The following WLS variants were observed in gnomAD, a reference collection of about 807,000 sequenced individuals.
WLS encodes Wnt ligand secretion mediator, also known as protein wntless homolog.
A neutral mutation model predicts 62.8 loss-of-function variants in WLS; 23 were observed. That is an observed-to-expected ratio of 0.37 (90% CI 0.26 to 0.52). The LOEUF (loss-of-function observed/expected upper bound fraction) is 0.52, where lower values mean the gene tolerates loss of function less well. Ranked by LOEUF, WLS falls within the 20% of genes least tolerant of loss-of-function variation. The pLI, the probability that WLS is intolerant of heterozygous loss-of-function variation, is 0.92. For synonymous variants in WLS, 246 were observed against 244.1 expected (o/e 1.01, Z -0.07); for missense variants, 615 against 697.3 (o/e 0.88, Z 1.33).
chr1:68,227,013 A>T (rs908531411), intron 1 of WLS, among the ~76,000 whole-genome samples: 2 of 152,214 alleles, frequency 1.3e-5, no homozygotes, highest in African/African-American at 4.8e-5. Flanking sequence ...ACATAACACT[A>T]TTAGCTCAAG....
chr1:68,161,582 C>T lies in WLS; in HGVS notation c.380-2335G>A, dbSNP rs576853062. 8.5e-4 allele frequency among the ~76,000 whole-genome samples: 129 copies of T among 152,352 alleles called. 4 individuals are homozygous for T. The highest frequency in any genetic ancestry group is 2.9e-4 in the Non-Finnish European group (20 of 68,040). On this transcript the variant is annotated intron_variant, in intron 2 of 11. Coordinates refer to ENST00000262348, the MANE Select transcript of WLS (RefSeq NM_024911.7). Reference sequence around the variant, plus strand: ...CCTAGTCTTTCAGCGCTTCCGTAAGCAGACGACATCTTCAGTTTTCTAGCT... The same window carrying T: ...CCTAGTCTTTCAGCGCTTCCGTAAGTAGACGACATCTTCAGTTTTCTAGCT...
intron 1 of WLS, among the ~76,000 whole-genome samples, chr1:68,226,486 T>C (rs567528408): frequency 2.0e-5 from 3 of 152,228 alleles, no homozygotes; most frequent in Non-Finnish European, 2.9e-5. Flanking sequence ...TATTAATATA[T>C]CTATTTCAAG....
At chr1:68,172,432 T>C (rs946684046) in intron 2 of WLS, among the ~76,000 whole-genome samples, 2 of 151,942 alleles carry the variant, frequency 1.3e-5, no homozygotes, top group African/African-American at 2.4e-5. Flanking sequence ...TGTTTATATA[T>C]GTCTATAAAG....
chr1:68,204,708 C>G (rs963890112), intron 1 of WLS, among the ~76,000 whole-genome samples: 2 of 151,866 alleles, frequency 1.3e-5, no homozygotes, highest in South Asian at 4.2e-4. Context: ...GCTCAAGGGC[C>G]GTCTCTCCTT....
chr1:68,160,310 GT>G (rs899306645), intron 2 of WLS, among the ~76,000 whole-genome samples: 2 of 148,092 alleles, frequency 1.4e-5, no homozygotes, highest in African/African-American at 2.6e-5. Flanking sequence ...GAGCAACTTT[GT>G]TTTTTTTTAA....
intron 11 of WLS, among the ~76,000 whole-genome samples, chr1:68,116,317 A>C (rs1182381843): frequency 6.6e-6 from 1 of 152,206 alleles, no homozygotes; most frequent in Non-Finnish European, 1.5e-5. Flanking sequence ...TCTGACAACC[A>C]CACGGGGTAA....
intron 1 of WLS, among the ~76,000 whole-genome samples, chr1:68,212,590 G>A (rs1337651613): frequency 6.6e-6 from 1 of 151,990 alleles, no homozygotes; most frequent in Non-Finnish European, 1.5e-5. Context: ...TACATTGCCT[G>A]GTACATACTA....
intron 1 of WLS, among the ~76,000 whole-genome samples, chr1:68,210,515 T>C (rs1183663201): frequency 1.3e-5 from 2 of 152,080 alleles, no homozygotes; most frequent in Admixed American, 6.5e-5. Flanking sequence ...TCCAACTGGA[T>C]TGAAAAACTA....
chr1:68,123,571 G>T (rs1646388733), downstream of WLS, among the ~76,000 whole-genome samples: 1 of 151,866 alleles, frequency 6.6e-6, no homozygotes, highest in Admixed American at 6.6e-5. Flanking sequence ...TTAAAACCTA[G>T]CCCAGGCAAA....
intron 1 of WLS, among the ~76,000 whole-genome samples, chr1:68,198,062 A>G (rs1291168248): frequency 6.6e-6 from 1 of 152,172 alleles, no homozygotes; most frequent in African/African-American, 2.4e-5. Flanking sequence ...CAGTATTCCT[A>G]GGAGAGTAAT....
At chr1:68,155,308 A>T (rs900702131) in intron 3 of WLS, 48 bp from the exon 4 acceptor site, 1 of 1,569,320 alleles carries the variant, frequency 6.4e-7, no homozygotes, top group East Asian at 2.3e-5. Context: ...TTTCCAATAG[A>T]CTGGCTCTGA....
At chr1:68,115,678 G>GT (rs1646282399) in intron 11 of WLS, among the ~76,000 whole-genome samples, 1 of 151,938 alleles carries the variant, frequency 6.6e-6, no homozygotes. Context: ...TTGGACATTT[G>GT]TTATGAGGGG....
At chr1:68,228,247 A>G in intron 1 of WLS, 1 of 445,394 alleles carries the variant, frequency 2.2e-6, no homozygotes, top group South Asian at 1.6e-5. Flanking sequence ...AGTCTCATTT[A>G]TGGGTATGCT....
intron 11 of WLS, among the ~76,000 whole-genome samples, chr1:68,130,356 G>A (rs1469468586): frequency 6.6e-6 from 1 of 152,142 alleles, no homozygotes; most frequent in African/African-American, 2.4e-5. Context: ...CTGCCCAAGT[G>A]TGAAAGCCAG....
intron 1 of WLS, among the ~76,000 whole-genome samples, chr1:68,205,919 A>G (rs774371139): frequency 4.7e-4 from 71 of 152,234 alleles, no homozygotes; most frequent in Non-Finnish European, 5.9e-5. Flanking sequence ...AAGAATTAGT[A>G]AAGAAAAATG....
At chr1:68,113,106 T>C (rs1044418035) in intron 11 of WLS, among the ~76,000 whole-genome samples, 4 of 152,148 alleles carry the variant, frequency 2.6e-5, no homozygotes, top group Non-Finnish European at 4.4e-5. Flanking sequence ...CAGGAAGCCT[T>C]CTCTCTCCAT....
chr1:68,148,827 G>T (rs1037122899), intron 6 of WLS, among the ~76,000 whole-genome samples, 167 bp from the exon 7 acceptor site: 4 of 152,112 alleles, frequency 2.6e-5, no homozygotes, highest in African/African-American at 9.7e-5. Flanking sequence ...TTCTTCAGGA[G>T]CTCATCTCTG....
chr1:68,130,986 G>T (rs1293554272), intron 11 of WLS, among the ~76,000 whole-genome samples: 1 of 150,084 alleles, frequency 6.7e-6, no homozygotes, highest in Non-Finnish European at 1.5e-5. Context: ...CCGCCTCCAG[G>T]GTTCAAAGAG....
At chr1:68,152,122 T>C (rs902133090) in intron 5 of WLS, among the ~76,000 whole-genome samples, 7 of 152,186 alleles carry the variant, frequency 4.6e-5, no homozygotes, top group Admixed American at 2.0e-4. Flanking sequence ...GAGTTGCCTT[T>C]TACTGAAATG....
Sources: gnomAD v4.1 joint callset for allele counts (sites outside exome capture counted in the v4.1 genomes callset) on GRCh38, gnomAD v4.1.1 for gene constraint, MANE v1.5 for transcripts, NCBI Gene and HGNC (gene_info 2026-07-23, HGNC 2026-07-21) for gene names.